SRGAP1: variants seen among roughly 807,000 people sequenced by gnomAD.
SRGAP1 encodes the protein SLIT-ROBO Rho GTPase activating protein 1.
A neutral mutation model predicts 121.9 loss-of-function variants in SRGAP1; 43 were observed. The observed-to-expected ratio is 0.35, with a 90% CI of 0.28 to 0.46. The LOEUF is 0.46. Ranked by LOEUF, SRGAP1 falls within the 20% of genes least tolerant of loss-of-function variation. The pLI is 1.00. For synonymous variants in SRGAP1, 447 were observed against 485.4 expected, an observed-to-expected ratio of 0.92 and a Z score of 1.04; for missense variants, 1,102 against 1,350.9, an observed-to-expected ratio of 0.82 and a Z score of 2.89.
Position 64,128,072 on chromosome 12 carries a change from C to G in SRGAP1, c.2752C>G (p.Leu918Val), listed in dbSNP as rs1466269764. 6.2e-7 allele frequency: 1 copy of G among 1,614,164 alleles called. No homozygotes were observed. The highest frequency in any genetic ancestry group is 8.5e-7 in the Non-Finnish European group (1 of 1,180,030). The change falls in exon 21 of 22, where the codon CTG (leucine) becomes GTG (valine). Residue 918 changes from leucine to valine, a missense_variant. Leu to Val is a conservative substitution (Grantham distance 32). This residue lies in a region of SRGAP1 where 315 missense variants were observed against 343.1 expected (regional missense o/e 0.92). Transcript: ENST00000355086. The part of the protein sequence containing the change: ...ERRRRPGHGS[L>V]TNISRHDSLK... The stretch of plus-strand genomic sequence containing the variant: ...GAGGCGCAGGCCTGGCCATGGCAGC[C>G]TGACCAACATCAGCCGGCACGACTC...
At chr12:63,918,210 T>C (rs1438582843) in intron 1 of SRGAP1, among the ~76,000 whole-genome samples, 55 of 152,166 alleles carry the variant, frequency 3.6e-4, no homozygotes, top group Admixed American at 3.6e-3. Flanking sequence ...AAGAATAATA[T>C]TGTGCTGGAC....
At chr12:63,857,107 G>A (rs1189102179) in intron 1 of SRGAP1, among the ~76,000 whole-genome samples, 7 of 141,124 alleles carry the variant, frequency 5.0e-5, no homozygotes, top group Admixed American at 2.1e-4. Context: ...TTTTTGAGAT[G>A]GAGTTTCGCT....
intron 4 of SRGAP1, among the ~76,000 whole-genome samples, chr12:64,018,932 C>T (rs2034476111): frequency 2.0e-5 from 3 of 152,284 alleles, no homozygotes; most frequent in Non-Finnish European, 2.9e-5. Flanking sequence ...AATTCTGTGT[C>T]GTCTTCCATT....
intron 21 of SRGAP1, among the ~76,000 whole-genome samples, chr12:64,138,674 A>G (rs1302072362): frequency 1.3e-5 from 2 of 151,576 alleles, no homozygotes; most frequent in African/African-American, 4.8e-5. Context: ...AAATCTCTAA[A>G]TAGAATATAA....
intron 1 of SRGAP1, among the ~76,000 whole-genome samples, chr12:63,864,413 A>G (rs1017304434): frequency 6.6e-6 from 1 of 152,214 alleles, no homozygotes; most frequent in African/African-American, 2.4e-5. Context: ...GTAGATTAGT[A>G]TACATCTCAT....
chr12:63,844,722 G>A lies in SRGAP1; in HGVS notation c.-95G>A. ...GGTCGGCGCTGCCTCTGGATTGCCT[G>A]CGTGTGGGAGTACAACTCTGCCTCT... is the stretch of plus-strand genomic sequence containing the variant. On this transcript the variant is annotated 5_prime_UTR_variant, in exon 1 of 22. Transcript: ENST00000355086. This position sits in a 1 kb window ranked among gnomAD's most constrained non-coding sequence, Gnocchi z 4.3. The A allele has an allele frequency of 1.6e-6, 2 of 1,229,802 alleles. No individual in the cohort carries two copies. Among genetic ancestry groups the A allele is most frequent in the Non-Finnish European group, 2.4e-6 (2 of 829,272 alleles). The allele number at this position is 1,229,802 out of a possible 1,614,324, so 76.2% of individuals were successfully genotyped here.
At chr12:63,900,861 A>G (rs531821991) in intron 1 of SRGAP1, among the ~76,000 whole-genome samples, 2 of 152,258 alleles carry the variant, frequency 1.3e-5, no homozygotes, top group African/African-American at 4.8e-5. Context: ...TGTACTATCA[A>G]ACCTAAGTAA....
At chr12:63,932,537 A>G (rs925260534) in intron 1 of SRGAP1, among the ~76,000 whole-genome samples, 1 of 152,234 alleles carries the variant, frequency 6.6e-6, no homozygotes, top group Non-Finnish European at 1.5e-5. Flanking sequence ...AATCTTTATT[A>G]CTAATTCTTT....
intron 1 of SRGAP1, among the ~76,000 whole-genome samples, chr12:63,920,617 T>C (rs1320430337): frequency 6.6e-6 from 1 of 152,198 alleles, no homozygotes; most frequent in African/African-American, 2.4e-5. Context: ...ATGATGAGAA[T>C]GAGACCCTAG....
chr12:63,926,054 C>T (rs1375756428), intron 1 of SRGAP1, among the ~76,000 whole-genome samples: 1 of 152,142 alleles, frequency 6.6e-6, no homozygotes, highest in Non-Finnish European at 1.5e-5. Context: ...TTCCTTTTAT[C>T]CTTCTCTCTC....
chr12:63,891,967 C>G (rs1266939955), intron 1 of SRGAP1, among the ~76,000 whole-genome samples: 2 of 120,806 alleles, frequency 1.7e-5, no homozygotes, highest in East Asian at 4.6e-4. Flanking sequence ...TCCTGGGCCA[C>G]AGAGCAAGAC....
At chr12:64,099,600 G>C (rs754199042) in intron 15 of SRGAP1, among the ~76,000 whole-genome samples, 1 of 152,106 alleles carries the variant, frequency 6.6e-6, no homozygotes, top group South Asian at 2.1e-4. Context: ...TCCATTCCAC[G>C]GCCCTTGCGT....
At chr12:63,991,767 T>C (rs367634391) in intron 3 of SRGAP1, among the ~76,000 whole-genome samples, 6 of 152,208 alleles carry the variant, frequency 3.9e-5, no homozygotes, top group African/African-American at 1.4e-4. Flanking sequence ...TGTATGGCAC[T>C]ATATAATGCT....
intron 1 of SRGAP1, among the ~76,000 whole-genome samples, chr12:63,924,163 A>C (rs530602751): frequency 1.3e-5 from 2 of 152,266 alleles, no homozygotes; most frequent in South Asian, 4.1e-4. Flanking sequence ...ATTTAAAAGA[A>C]AAAAGAAAAA....
chr12:63,987,836 C>T (rs1018417267), intron 2 of SRGAP1, among the ~76,000 whole-genome samples: 1 of 152,212 alleles, frequency 6.6e-6, no homozygotes, highest in Non-Finnish European at 1.5e-5. Flanking sequence ...CGTGATAAAA[C>T]AGCTGACTTT....
intron 1 of SRGAP1, chr12:63,878,653 CTTGT>C (rs1292436842): frequency 2.0e-5 from 3 of 152,178 alleles, no homozygotes; most frequent in African/African-American, 7.2e-5. Context: ...TAGGGAATGC[CTTGT>C]TTGTCTGTGA....
intron 1 of SRGAP1, among the ~76,000 whole-genome samples, chr12:63,930,785 A>C (rs1359982809): frequency 6.6e-6 from 1 of 152,210 alleles, no homozygotes; most frequent in Non-Finnish European, 1.5e-5. Context: ...GTCAAGAATG[A>C]AAAAGCCGCA....
chr12:64,013,804 T>C (rs2034323979), intron 3 of SRGAP1, among the ~76,000 whole-genome samples: 1 of 152,168 alleles, frequency 6.6e-6, no homozygotes, highest in Non-Finnish European at 1.5e-5. Flanking sequence ...GGCAAGGGAA[T>C]ATGGATATAA....
chr12:63,880,751 A>T (rs1191494807), intron 1 of SRGAP1, among the ~76,000 whole-genome samples: 1 of 152,098 alleles, frequency 6.6e-6, no homozygotes, highest in Non-Finnish European at 1.5e-5. Context: ...GTATTTTATT[A>T]TACTGCCATT....
Sources: gnomAD v4.1 joint callset for allele counts (sites outside exome capture counted in the v4.1 genomes callset) on GRCh38, gnomAD v4.1.1 for gene constraint, gnomAD v4.1.1 regional missense constraint, Gnocchi (gnomAD v3.1) non-coding constraint, MANE v1.5 for transcripts, NCBI Gene and HGNC (gene_info 2026-07-23, HGNC 2026-07-21) for gene names.